COL19A1: variants seen among roughly 807,000 people sequenced by gnomAD.
COL19A1 encodes collagen type XIX alpha 1 chain.
In COL19A1, 159 loss-of-function variants were observed where a neutral mutation model predicts 190.2. The ratio of observed to expected loss-of-function variants is 0.84; its 90% CI spans 0.73 to 0.95. The LOEUF is 0.95. Among genes scored for constraint, COL19A1 ranks in the 40% least tolerant of loss-of-function variants. The probability of loss-of-function intolerance (pLI) is 0.00; values close to 1 mark genes in which losing one functional copy is unlikely to be tolerated. For missense variants in COL19A1, 1,418 were observed against 1,431.9 expected (o/e 0.99, Z 0.16); for synonymous variants, 509 against 458.9 (o/e 1.11, Z -1.39).
At chr6:69,965,585 A>G (rs1775044336) in intron 11 of COL19A1, among the ~76,000 whole-genome samples, 1 of 152,222 alleles carries the variant, frequency 6.6e-6, no homozygotes, top group Non-Finnish European at 1.5e-5. Context: ...ATCTATAGAA[A>G]CTTGTAACAA....
intron 17 of COL19A1, among the ~76,000 whole-genome samples, chr6:70,122,683 G>A (rs868381633): frequency 2.6e-5 from 4 of 152,136 alleles, no homozygotes; most frequent in Non-Finnish European, 4.4e-5. Flanking sequence ...AAGAATTGGA[G>A]ACACTTCCCT....
At chr6:70,123,521 T>A (rs9454978) in intron 17 of COL19A1, among the ~76,000 whole-genome samples, 3 of 135,026 alleles carry the variant, frequency 2.2e-5, no homozygotes, top group Admixed American at 7.4e-5. Flanking sequence ...ATGTTTATTG[T>A]GGCATTATTC....
chr6:70,074,326 C>T (rs1375163993), intron 15 of COL19A1, among the ~76,000 whole-genome samples: 2 of 151,988 alleles, frequency 1.3e-5, no homozygotes, highest in Admixed American at 6.6e-5. Flanking sequence ...TGGTGAAACC[C>T]TGTCTCTACT....
intron 11 of COL19A1, among the ~76,000 whole-genome samples, chr6:69,997,993 C>T (rs1464163914): frequency 2.0e-5 from 3 of 151,986 alleles, no homozygotes; most frequent in African/African-American, 7.2e-5. Flanking sequence ...AAAAACAATT[C>T]ATCATGTACG....
At chr6:70,007,266 C>A (rs1777692369) in intron 11 of COL19A1, among the ~76,000 whole-genome samples, 1 of 151,932 alleles carries the variant, frequency 6.6e-6, no homozygotes, top group South Asian at 2.1e-4. Context: ...AGAATAAATA[C>A]ATCAAAAGGT....
At chr6:69,980,446 G>A (rs772407576) in intron 11 of COL19A1, among the ~76,000 whole-genome samples, 1 of 151,926 alleles carries the variant, frequency 6.6e-6, no homozygotes, top group Non-Finnish European at 1.5e-5. Context: ...TCAAAACAAA[G>A]CAATAAATAC....
intron 40 of COL19A1, 103 bp from the exon 41 acceptor site, chr6:70,171,861 G>T: frequency 1.1e-6 from 1 of 902,540 alleles, no homozygotes; most frequent in South Asian, 1.4e-5. Context: ...ACACATCAAT[G>T]TTTGGGGTGG....
In COL19A1 at chr6:70,068,432, G is replaced by A. The variant is rs150926352; in HGVS notation, c.1180G>A (p.Gly394Arg). 1 of 1,597,086 alleles carries A rather than the reference G, an allele frequency of 6.3e-7. No individual in the cohort carries two copies. Among genetic ancestry groups the A allele is most frequent in the Non-Finnish European group, 8.6e-7 (1 of 1,165,558 alleles). The change falls in exon 15 of 51, where the codon GGG (glycine) becomes AGG (arginine). Residue 394 changes from glycine to arginine, a missense_variant. Transcript: ENST00000620364. ...CTCTTTTTCCTCATAGGGTTCCCTG[G>A]GGATACAAGGCCCCCAAGGTCCACC... ...PGPPALPGSL[G>R]IQGPQGPPGK...
intron 48 of COL19A1, among the ~76,000 whole-genome samples, chr6:70,195,162 T>TATAA (rs945354317): frequency 2.7e-5 from 4 of 145,744 alleles, no homozygotes; most frequent in African/African-American, 1.0e-4. Context: ...TATATATATA[T>TATAA]AAAGAGTTAA....
At chr6:69,917,456 G>T (rs1197849425) in intron 4 of COL19A1, among the ~76,000 whole-genome samples, 1 of 152,186 alleles carries the variant, frequency 6.6e-6, no homozygotes, top group Non-Finnish European at 1.5e-5. Context: ...CTTTATGGAT[G>T]CTTCCTATAT....
chr6:69,974,533 G>A lies in COL19A1; in HGVS notation c.1026+11663G>A, dbSNP rs142540541. 7.9e-5 allele frequency among the ~76,000 whole-genome samples: 12 copies of A among 152,280 alleles called. No homozygotes were observed. In the East Asian group the frequency reaches 1.3e-3, roughly 17 times the overall value. ...TGATAGCACCCAGTAATCACAGAGCGAATCAAGGATTCTTCCTTAAGTTAG... is the reference window on the plus strand; with the variant it reads ...TGATAGCACCCAGTAATCACAGAGCAAATCAAGGATTCTTCCTTAAGTTAG... On this transcript the variant is annotated intron_variant, in intron 11 of 50. Coordinates refer to ENST00000620364, the MANE Select transcript of COL19A1 (RefSeq NM_001858.6).
intron 15 of COL19A1, among the ~76,000 whole-genome samples, chr6:70,075,490 C>T (rs17711463): frequency 6.6e-6 from 1 of 151,958 alleles, no homozygotes; most frequent in African/African-American, 2.4e-5. Flanking sequence ...AGTTGTGCAG[C>T]GAGGATAGTC....
intron 4 of COL19A1, among the ~76,000 whole-genome samples, chr6:69,917,647 T>G (rs534879146): frequency 6.6e-6 from 1 of 152,222 alleles, no homozygotes; most frequent in African/African-American, 2.4e-5. Context: ...GTGACTAGGG[T>G]GAGGACAATC....
intron 9 of COL19A1, among the ~76,000 whole-genome samples, chr6:69,955,374 T>C (rs1310720550): frequency 6.6e-6 from 1 of 152,122 alleles, no homozygotes; most frequent in Non-Finnish European, 1.5e-5. Context: ...TTTAATTAAT[T>C]TGAAAAAGGA....
intron 34 of COL19A1, among the ~76,000 whole-genome samples, chr6:70,159,699 C>T (rs1787669631): frequency 6.6e-6 from 1 of 152,092 alleles, no homozygotes; most frequent in Non-Finnish European, 1.5e-5. Context: ...GCTCACAGTC[C>T]TATAGAATGC....
intron 12 of COL19A1, among the ~76,000 whole-genome samples, chr6:70,025,736 A>T (rs964476882): frequency 4.6e-5 from 7 of 152,256 alleles, no homozygotes; most frequent in African/African-American, 1.7e-4. Flanking sequence ...TAAGTTCCAA[A>T]TAACTATTTG....
intron 14 of COL19A1, among the ~76,000 whole-genome samples, chr6:70,043,284 C>T (rs1374503123): frequency 1.3e-5 from 2 of 151,576 alleles, no homozygotes; most frequent in Admixed American, 6.6e-5. Flanking sequence ...CTCCGCCTCT[C>T]GGGTTCACGC....
At position 70,211,054 on chromosome 6, in the gene COL19A1, C is replaced by A. The variant is rs1043908430; in HGVS notation, c.*3780C>A. 7.2e-5 allele frequency among the ~76,000 whole-genome samples: 10 copies of A among 139,576 alleles called. No homozygotes were observed. Among genetic ancestry groups the A allele is most frequent in the African/African-American group, 2.6e-4 (10 of 37,848 alleles). 91.6% of individuals were successfully genotyped at this position (139,576 alleles called of 152,430 possible). ...TTTTAGACAGGACAGATACTCTCAACAGACAAGAAAAAAGATTTAGCTTAT... is the reference window on the plus strand; with the variant it reads ...TTTTAGACAGGACAGATACTCTCAAAAGACAAGAAAAAAGATTTAGCTTAT... On this transcript the variant is annotated 3_prime_UTR_variant, in exon 51 of 51. Coordinates refer to ENST00000620364, the MANE Select transcript of COL19A1 (RefSeq NM_001858.6).
chr6:70,089,672 C>T (rs765958187), intron 15 of COL19A1, among the ~76,000 whole-genome samples: 2 of 152,186 alleles, frequency 1.3e-5, no homozygotes, highest in Non-Finnish European at 2.9e-5. Flanking sequence ...ATGACATATG[C>T]TTCAGACACT....
Sources: gnomAD v4.1 joint callset for allele counts (sites outside exome capture counted in the v4.1 genomes callset) on GRCh38, gnomAD v4.1.1 for gene constraint, MANE v1.5 for transcripts, NCBI Gene and HGNC (gene_info 2026-07-23, HGNC 2026-07-21) for gene names.